DIAPH2: variants seen among roughly 807,000 people sequenced by gnomAD.
The protein encoded by DIAPH2 is diaphanous related formin 2.
A neutral mutation model predicts 92.7 loss-of-function variants in DIAPH2; 35 were observed. The observed-to-expected ratio is 0.38, with a 90% CI of 0.29 to 0.50. The LOEUF is 0.50. DIAPH2 is among the 20% of genes least tolerant of loss of function. The probability of loss-of-function intolerance (pLI) is 0.94; values close to 1 mark genes in which losing one functional copy is unlikely to be tolerated. For synonymous variants in DIAPH2, 301 were observed against 280.4 expected, an observed-to-expected ratio of 1.07 and a Z score of -0.73; for missense variants, 701 against 819.5, an observed-to-expected ratio of 0.86 and a Z score of 1.77.
At position 97,274,595 on chromosome X, in the gene DIAPH2, A is replaced by G. The variant is rs985673445; in HGVS notation, c.2844+26756A>G. Among the ~76,000 whole-genome samples, 4 of 107,134 alleles carry G rather than the reference A, an allele frequency of 3.7e-5. No individual in the cohort carries two copies. The Admixed American group carries it at 4.0e-4, about 11-fold the overall frequency. The allele number at this position is 107,134 out of a possible 115,157, so 93.0% of individuals were successfully genotyped here. On this transcript the variant is annotated intron_variant, in intron 23 of 26. Coordinates refer to ENST00000324765, the MANE Select transcript of DIAPH2 (RefSeq NM_006729.5). The stretch of plus-strand genomic sequence containing the variant: ...GAATCATGTCAACATATAAAGGACT[A>G]TTTTTTACTGTCATTTTTCAGCACA...
At chrX:97,345,116 G>C (rs967134290) in intron 23 of DIAPH2, among the ~76,000 whole-genome samples, 1 of 111,701 alleles carries the variant, frequency 9.0e-6, no homozygotes, top group Non-Finnish European at 1.9e-5. Context: ...TATATATGAT[G>C]ACAGTCTCAA....
intron 24 of DIAPH2, among the ~76,000 whole-genome samples, chrX:97,367,702 C>CTTT (rs200267248): frequency 1.0e-5 from 1 of 97,105 alleles, no homozygotes; most frequent in East Asian, 3.2e-4. Context: ...GGTAAAATAT[C>CTTT]TTTTTTTTTT....
At chrX:96,714,109 C>G (rs765101907) in intron 1 of DIAPH2, among the ~76,000 whole-genome samples, 1 of 110,940 alleles carries the variant, frequency 9.0e-6, no homozygotes, top group Admixed American at 9.6e-5. Context: ...TTCCTACAGC[C>G]TCCACTTTTT....
chrX:97,158,573 A>G (rs1569315894), intron 22 of DIAPH2, among the ~76,000 whole-genome samples: 1 of 112,406 alleles, frequency 8.9e-6, no homozygotes, highest in Non-Finnish European at 1.9e-5. Flanking sequence ...TTTCTGACTC[A>G]AGTGCTTGGT....
At chrX:96,803,481 C>T (rs915579963) in intron 4 of DIAPH2, among the ~76,000 whole-genome samples, 1 of 111,331 alleles carries the variant, frequency 9.0e-6, no homozygotes, top group African/African-American at 3.3e-5. Context: ...TAAAGAATCT[C>T]CACAGCGTAT....
chrX:97,252,157 T>C (rs2068194034), intron 23 of DIAPH2, among the ~76,000 whole-genome samples: 1 of 112,067 alleles, frequency 8.9e-6, no homozygotes, highest in Non-Finnish European at 1.9e-5. Flanking sequence ...ACTGCTTATA[T>C]CCAGTTGACA....
intron 4 of DIAPH2, among the ~76,000 whole-genome samples, chrX:96,840,430 G>C (rs933086448): frequency 2.7e-5 from 3 of 111,329 alleles, no homozygotes; most frequent in Non-Finnish European, 5.7e-5. Flanking sequence ...ACCTGGGGTA[G>C]GGGAGCTTAC....
chrX:97,518,019 A>T (rs1219908718), intron 26 of DIAPH2, among the ~76,000 whole-genome samples: 1 of 112,225 alleles, frequency 8.9e-6, no homozygotes, highest in Non-Finnish European at 1.9e-5. Flanking sequence ...GAAAATGAAT[A>T]GCACTGTAGC....
At chrX:97,310,605 G>A (rs187956505) in intron 23 of DIAPH2, among the ~76,000 whole-genome samples, 374 of 111,736 alleles carry the variant, frequency 3.3e-3, no homozygotes, top group Non-Finnish European at 5.2e-3. Context: ...AGTAAAAGTA[G>A]TGAGTCCAGT....
At chrX:96,878,699 A>T (rs1186458870) in intron 4 of DIAPH2, among the ~76,000 whole-genome samples, 2 of 111,285 alleles carry the variant, frequency 1.8e-5, no homozygotes, top group Non-Finnish European at 3.8e-5. Flanking sequence ...TACCTCGGCC[A>T]TAACCATATG....
At chrX:97,128,233 T>G (rs1057339607) in intron 21 of DIAPH2, among the ~76,000 whole-genome samples, 1 of 111,679 alleles carries the variant, frequency 9.0e-6, no homozygotes, top group Non-Finnish European at 1.9e-5. Context: ...ATGCATCCCC[T>G]TTTTAGACCG....
chrX:96,918,505 A>G lies in DIAPH2; in HGVS notation c.870-4A>G, dbSNP rs761549419. On this transcript the variant is annotated splice_region_variant and splice_polypyrimidine_tract_variant and intron_variant, in intron 8 of 26. Transcript: ENST00000324765. ...CATTTCTGTTTCTTCTTTTTTCTCTACAGTCTAGATAAACTTTTAGGGGCT... is the reference window on the plus strand; with the variant it reads ...CATTTCTGTTTCTTCTTTTTTCTCTGCAGTCTAGATAAACTTTTAGGGGCT... The G allele has an allele frequency of 1.0e-5, 12 of 1,149,245 alleles. No individual in the cohort carries two copies. Among genetic ancestry groups the G allele is most frequent in the South Asian group, 1.9e-5 (1 of 52,671 alleles). 94.7% of individuals were successfully genotyped at this position (1,149,245 alleles called of 1,213,427 possible).
At chrX:96,981,515 A>T (rs1050048886) in intron 17 of DIAPH2, among the ~76,000 whole-genome samples, 20 of 112,364 alleles carry the variant, frequency 1.8e-4, no homozygotes, top group African/African-American at 5.5e-4. Flanking sequence ...TTCTGTAATT[A>T]TATGTTAATA....
chrX:96,935,600 G>T (rs1028082990), intron 10 of DIAPH2, among the ~76,000 whole-genome samples: 5 of 110,895 alleles, frequency 4.5e-5, no homozygotes, highest in African/African-American at 9.8e-5. Flanking sequence ...TATTAATAAA[G>T]AATATTTATA....
chrX:97,337,332 C>A (rs764713599), intron 23 of DIAPH2, among the ~76,000 whole-genome samples: 2 of 110,947 alleles, frequency 1.8e-5, no homozygotes, highest in Admixed American at 9.6e-5. Flanking sequence ...CAAATGTCAT[C>A]TTGAATTGTA....
At chrX:97,128,923 C>G (rs1235029750) in intron 21 of DIAPH2, among the ~76,000 whole-genome samples, 1 of 110,944 alleles carries the variant, frequency 9.0e-6, no homozygotes, top group Non-Finnish European at 1.9e-5. Context: ...AGCTGATGGA[C>G]AGTTGGGTTG....
chrX:97,080,160 C>G (rs965090425), intron 19 of DIAPH2, among the ~76,000 whole-genome samples: 6 of 107,430 alleles, frequency 5.6e-5, no homozygotes, highest in African/African-American at 1.7e-4. Flanking sequence ...TCCTTCCTTT[C>G]TTCCTTCTCT....
rs1047759284 is a variant in DIAPH2 at position 97,602,268 on chromosome X, A to T, written c.*2951A>T. 8.9e-6 allele frequency: 1 copy of T among 112,217 alleles called. No homozygotes were observed. The highest frequency in any genetic ancestry group is 1.9e-5 in the Non-Finnish European group (1 of 53,266). 9.2% of individuals were successfully genotyped at this position (112,217 alleles called of 1,213,427 possible). A position where few individuals can be genotyped will look rare whatever the true frequency, so the allele number is the denominator to read the frequency against. On this transcript the variant is annotated 3_prime_UTR_variant, in exon 27 of 27. Coordinates refer to ENST00000324765, the MANE Select transcript of DIAPH2 (RefSeq NM_006729.5). Reference sequence around the variant, plus strand: ...ATTACCAAAAGTCTCAACCCATTATATCAATCCTAAGTCCAAAATTTCATT... The same window carrying T: ...ATTACCAAAAGTCTCAACCCATTATTTCAATCCTAAGTCCAAAATTTCATT...
chrX:97,586,747 C>T (rs1349346741), intron 26 of DIAPH2, among the ~76,000 whole-genome samples: 1 of 111,931 alleles, frequency 8.9e-6, no homozygotes, highest in Non-Finnish European at 1.9e-5. Flanking sequence ...AGATGCTTCC[C>T]CTAAGGCTTG....
Sources: gnomAD v4.1 joint callset for allele counts (sites outside exome capture counted in the v4.1 genomes callset) on GRCh38, gnomAD v4.1.1 for gene constraint, MANE v1.5 for transcripts, NCBI Gene and HGNC (gene_info 2026-07-23, HGNC 2026-07-21) for gene names.